Variants in SBF2 observed in about 807,000 individuals in gnomAD.
The protein encoded by SBF2 is SET binding factor 2, also known as myotubularin-related protein 13.
SBF2 carries 112 observed loss-of-function variants against 225.2 expected under a neutral mutation model. That is an observed-to-expected ratio of 0.50 (90% confidence interval 0.43 to 0.58). SBF2 has a LOEUF of 0.58. Ranked by LOEUF, SBF2 falls within the 20% of genes least tolerant of loss-of-function variation. SBF2 has a pLI of 0.00. For missense variants in SBF2, 1,996 were observed against 2,206.2 expected (o/e 0.90, Z 1.91); for synonymous variants, 763 against 773.3 (o/e 0.99, Z 0.22).
intron 2 of SBF2, among the ~76,000 whole-genome samples, chr11:10,168,148 CACT>C (rs1226538287): frequency 6.6e-6 from 1 of 152,168 alleles, no homozygotes; most frequent in Non-Finnish European, 1.5e-5. Flanking sequence ...GGTCTCTCTC[CACT>C]AGAAATTTAA....
chr11:10,048,463 T>C (rs987414480), intron 2 of SBF2, among the ~76,000 whole-genome samples: 2 of 152,212 alleles, frequency 1.3e-5, no homozygotes, highest in African/African-American at 4.8e-5. Flanking sequence ...TAGCTGCACA[T>C]TTGCAATAAA....
chr11:10,017,236 A>C (rs1368251415), intron 6 of SBF2, among the ~76,000 whole-genome samples: 1 of 152,248 alleles, frequency 6.6e-6, no homozygotes, highest in Non-Finnish European at 1.5e-5. Flanking sequence ...CATTCTCTGA[A>C]TAATAATGAT....
At chr11:10,124,134 G>A (rs1033781968) in intron 2 of SBF2, among the ~76,000 whole-genome samples, 1 of 152,178 alleles carries the variant, frequency 6.6e-6, no homozygotes, top group Non-Finnish European at 1.5e-5. Flanking sequence ...CTGGCAATAT[G>A]TGTTTCTTCA....
intron 1 of SBF2, among the ~76,000 whole-genome samples, chr11:10,202,024 C>G (rs1957586702): frequency 6.6e-6 from 1 of 152,108 alleles, no homozygotes; most frequent in South Asian, 2.1e-4. Flanking sequence ...TAGAGAATGT[C>G]AAGATTAAGA....
At chr11:10,257,095 C>T (rs1960926021) in intron 1 of SBF2, among the ~76,000 whole-genome samples, 1 of 152,086 alleles carries the variant, frequency 6.6e-6, no homozygotes, top group South Asian at 2.1e-4. Context: ...CAAACTCAGG[C>T]CCAGAAAGGT....
chr11:9,942,927 G>GAAAGAA lies in SBF2; in HGVS notation c.1860+19024_1860+19029dup, dbSNP rs774129570. The stretch of plus-strand genomic sequence containing the variant: ...AGAAAGAAAGAAAGAAAGAAAGAAA[G>GAAAGAA]AAAGAAAGAAAGAAGGAAGGAACGA... On this transcript the variant is annotated intron_variant, in intron 16 of 39. Coordinates refer to ENST00000256190, the MANE Select transcript of SBF2 (RefSeq NM_030962.4). 3.2e-3 allele frequency among the ~76,000 whole-genome samples: 456 copies of GAAAGAA among 144,436 alleles called. 7 individuals are homozygous for GAAAGAA. The highest frequency in any genetic ancestry group is 2.4e-3 in the Non-Finnish European group (157 of 65,650). The allele number at this position is 144,436 out of a possible 152,430, so 94.8% of individuals were successfully genotyped here.
rs1337244294 is a variant in SBF2 at position 9,981,317 on chromosome 11, G to A, written c.1395+8180C>T. Among the ~76,000 whole-genome samples the A allele has an allele frequency of 2.0e-5, 3 of 152,306 alleles. No individual in the cohort carries two copies. The East Asian group carries it at 5.8e-4, about 29-fold the overall frequency. On this transcript the variant is annotated intron_variant, in intron 13 of 39. Transcript: ENST00000256190. Reference sequence around the variant, plus strand: ...GACTACTAGACAGGGGAGGAAAGGAGTAGGGAAAGGGGTGAAAAGTGACTA... The same window carrying A: ...GACTACTAGACAGGGGAGGAAAGGAATAGGGAAAGGGGTGAAAAGTGACTA...
chr11:10,114,243 T>C (rs1319831484), intron 2 of SBF2, among the ~76,000 whole-genome samples: 1 of 152,240 alleles, frequency 6.6e-6, no homozygotes, highest in Non-Finnish European at 1.5e-5. Flanking sequence ...AAATGTGATG[T>C]ATTATTTTTA....
chr11:10,080,718 T>C (rs548817914), intron 2 of SBF2, among the ~76,000 whole-genome samples: 10 of 152,026 alleles, frequency 6.6e-5, no homozygotes, highest in Non-Finnish European at 1.2e-4. Flanking sequence ...TTATGAGAAA[T>C]TTGCCTTACT....
At chr11:10,075,252 A>G (rs1951049732) in intron 2 of SBF2, among the ~76,000 whole-genome samples, 1 of 152,246 alleles carries the variant, frequency 6.6e-6, no homozygotes, top group Admixed American at 6.5e-5. Context: ...ATACATCATT[A>G]CTGTCAAGAT....
chr11:10,118,643 G>A (rs1381523383), intron 2 of SBF2, among the ~76,000 whole-genome samples: 2 of 151,858 alleles, frequency 1.3e-5, no homozygotes, highest in South Asian at 4.1e-4. Flanking sequence ...TGTAAAAATT[G>A]CTACCATCCA....
At chr11:10,221,807 C>T (rs1412405384) in intron 1 of SBF2, among the ~76,000 whole-genome samples, 1 of 152,156 alleles carries the variant, frequency 6.6e-6, no homozygotes, top group Non-Finnish European at 1.5e-5. Flanking sequence ...AGGTGAATTT[C>T]CCATCTACAA....
intron 32 of SBF2, among the ~76,000 whole-genome samples, chr11:9,798,139 C>G (rs1853247148): frequency 6.6e-6 from 1 of 152,102 alleles, no homozygotes; most frequent in Non-Finnish European, 1.5e-5. Context: ...TCAACCATGT[C>G]CCTTAATACA....
At chr11:9,896,160 C>A in intron 16 of SBF2, 149 bp from the exon 17 acceptor site, 1 of 677,316 alleles carries the variant, frequency 1.5e-6, no homozygotes, top group Non-Finnish European at 2.7e-6. Flanking sequence ...GGTTTGTACT[C>A]TTATTCCAAA....
intron 13 of SBF2, among the ~76,000 whole-genome samples, chr11:9,973,830 G>C (rs1395449663): frequency 6.6e-6 from 1 of 152,164 alleles, no homozygotes; most frequent in Non-Finnish European, 1.5e-5. Context: ...GCCACCTTGG[G>C]AAAAAGAAAA....
intron 16 of SBF2, chr11:9,959,376 G>A: frequency 1.3e-6 from 1 of 797,812 alleles, no homozygotes; most frequent in Non-Finnish European, 2.3e-6. Context: ...CCAAAGGGGT[G>A]CCCGTCTGTC....
intron 1 of SBF2, among the ~76,000 whole-genome samples, chr11:10,207,751 T>C (rs756396489): frequency 7.9e-5 from 12 of 152,066 alleles, no homozygotes. Flanking sequence ...AACTAGATCA[T>C]ACAAGGGCAA....
Position 10,262,313 on chromosome 11 carries a change from G to A in SBF2, c.55+31702C>T, listed in dbSNP as rs189609111. 3.8e-3 allele frequency among the ~76,000 whole-genome samples: 579 copies of A among 152,220 alleles called. 4 individuals are homozygous for A. Among genetic ancestry groups the A allele is most frequent in the South Asian group, 5.4e-3 (26 of 4,832 alleles). The stretch of plus-strand genomic sequence containing the variant: ...AAAGTGTAGGTAGTACTATACAGGC[G>A]TTTGGTATAAATTCTTTCAACTTCG... On this transcript the variant is annotated intron_variant, in intron 1 of 39. Coordinates refer to ENST00000256190, the MANE Select transcript of SBF2 (RefSeq NM_030962.4).
chr11:10,227,139 G>T (rs1958602249), intron 1 of SBF2, among the ~76,000 whole-genome samples: 1 of 152,248 alleles, frequency 6.6e-6, no homozygotes, highest in Non-Finnish European at 1.5e-5. Flanking sequence ...AGAAGTGTCT[G>T]TTCATATCCT....
Sources: gnomAD v4.1 joint callset for allele counts (sites outside exome capture counted in the v4.1 genomes callset) on GRCh38, gnomAD v4.1.1 for gene constraint, MANE v1.5 for transcripts, NCBI Gene and HGNC (gene_info 2026-07-23, HGNC 2026-07-21) for gene names.